ANK2: variants seen among roughly 807,000 people sequenced by gnomAD.
ANK2 encodes the protein ankyrin-2.
ANK2 carries 83 observed loss-of-function variants against 360.5 expected under a neutral mutation model. The ratio of observed to expected loss-of-function variants is 0.23; its 90% CI spans 0.19 to 0.28. The LOEUF (loss-of-function observed/expected upper bound fraction) is 0.28, where lower values mean the gene tolerates loss of function less well. ANK2 is among the 10% of genes least tolerant of loss of function. ANK2 has a pLI of 1.00. For synonymous variants in ANK2, 1,740 were observed against 1,759.5 expected, an observed-to-expected ratio of 0.99 and a Z score of 0.28; for missense variants, 4,201 against 4,795.7, an observed-to-expected ratio of 0.88 and a Z score of 3.66.
At chr4:113,249,702 A>T in intron 9 of ANK2, 62 bp from the exon 10 acceptor site, 2 of 1,494,160 alleles carry the variant, frequency 1.3e-6, no homozygotes, top group Non-Finnish European at 1.9e-6. Flanking sequence ...TATGGTTGCA[A>T]TAGATGAAAT....
At chr4:113,060,875 T>G (rs759189432) in intron 1 of ANK2, among the ~76,000 whole-genome samples, 63 of 152,048 alleles carry the variant, frequency 4.1e-4, no homozygotes, top group Non-Finnish European at 7.5e-4. Flanking sequence ...CATCTGCACT[T>G]CAACTGTATT....
At chr4:113,351,527 C>A (rs1007976073) in intron 37 of ANK2, among the ~76,000 whole-genome samples, 1 of 152,148 alleles carries the variant, frequency 6.6e-6, no homozygotes, top group African/African-American at 2.4e-5. Flanking sequence ...CAGATTCTCC[C>A]AAGAGAAGGC....
chr4:112,982,815 T>TA (rs541913584), intron 2 of ANK2, among the ~76,000 whole-genome samples: 4 of 152,282 alleles, frequency 2.6e-5, no homozygotes, highest in South Asian at 2.1e-4. Flanking sequence ...TAAGCGATTC[T>TA]AAAAAAATCC....
At chr4:112,771,774 A>G in the ANK2 span, among the ~76,000 whole-genome samples, 1 of 152,036 alleles carries the variant, frequency 6.6e-6, no homozygotes, top group East Asian at 1.9e-4. Flanking sequence ...TTTAGTAGAG[A>G]CAGAGTTTCA....
intron 1 of ANK2, among the ~76,000 whole-genome samples, chr4:113,135,941 G>A (rs1325276061): frequency 6.6e-6 from 1 of 152,136 alleles, no homozygotes; most frequent in Admixed American, 6.5e-5. Flanking sequence ...ATTCATTAAA[G>A]CATTTCTGTG....
intron 2 of ANK2, among the ~76,000 whole-genome samples, chr4:112,931,155 C>T (rs1221828630): frequency 6.6e-6 from 1 of 151,996 alleles, no homozygotes; most frequent in Non-Finnish European, 1.5e-5. Flanking sequence ...AACCCAGGGT[C>T]GACTCTGCAC....
chr4:113,284,707 A>C (rs944902052), intron 18 of ANK2, among the ~76,000 whole-genome samples: 11 of 152,316 alleles, frequency 7.2e-5, no homozygotes, highest in Admixed American at 7.2e-4. Context: ...GTGGTGTCCT[A>C]AACACATAGT....
chr4:113,049,513 A>G, upstream of ANK2: 1 of 860,884 alleles, frequency 1.2e-6, no homozygotes, highest in Non-Finnish European at 1.7e-6. Flanking sequence ...CCGGTTCCTG[A>G]TGGTAATTGG....
intron 7 of ANK2, 34 bp from the exon 8 acceptor site, chr4:113,240,451 C>T (rs72675204): frequency 1.5e-5 from 23 of 1,508,992 alleles, no homozygotes; most frequent in South Asian, 3.4e-5. Context: ...AAAAGTGAAG[C>T]GCTATACTGA....
chr4:113,106,063 G>T (rs1324383838), intron 1 of ANK2, among the ~76,000 whole-genome samples: 6 of 152,070 alleles, frequency 3.9e-5, no homozygotes, highest in Non-Finnish European at 1.5e-5. Flanking sequence ...TTTATAATTT[G>T]TATTCAGTTA....
At chr4:113,175,874 G>GT (rs2098177164) in intron 2 of ANK2, among the ~76,000 whole-genome samples, 1 of 152,152 alleles carries the variant, frequency 6.6e-6, no homozygotes, top group Non-Finnish European at 1.5e-5. Flanking sequence ...GTCTCTTACC[G>GT]TGAAAACATG....
chr4:112,935,643 AC>A (rs11356010), intron 2 of ANK2, among the ~76,000 whole-genome samples: 46,060 of 152,060 alleles, frequency 0.3, 9,006 homozygotes, highest in African/African-American at 0.56. Context: ...GCAGTTTGAG[AC>A]CAGCCTGGGC....
chr4:112,803,389 G>A, the ANK2 span, among the ~76,000 whole-genome samples: 1 of 152,166 alleles, frequency 6.6e-6, no homozygotes, highest in Admixed American at 6.5e-5. Flanking sequence ...GAGGCAGGCA[G>A]AAGGGCAGTT....
chr4:113,136,861 G>T (rs1180263554), intron 1 of ANK2, among the ~76,000 whole-genome samples: 1 of 151,830 alleles, frequency 6.6e-6, no homozygotes, highest in Non-Finnish European at 1.5e-5. Context: ...GGTTCAAGTG[G>T]ATTCTCCTGC....
chr4:112,930,418 C>T (rs552523505), intron 2 of ANK2, among the ~76,000 whole-genome samples: 66 of 150,224 alleles, frequency 4.4e-4, no homozygotes, highest in African/African-American at 1.6e-3. Flanking sequence ...CACTGCACTC[C>T]AGCCTGGGCG....
intron 2 of ANK2, among the ~76,000 whole-genome samples, chr4:112,949,237 C>T (rs531823826): frequency 6.6e-6 from 1 of 152,260 alleles, no homozygotes; most frequent in South Asian, 2.1e-4. Context: ...TTGCAAACAT[C>T]TCCAAAGTGG....
chr4:112,738,799 A>G, the ANK2 span: 2 of 624,272 alleles, frequency 3.2e-6, no homozygotes, highest in Non-Finnish European at 6.1e-6. Context: ...GGTATTGACA[A>G]CAGGGTTCAT....
intron 2 of ANK2, among the ~76,000 whole-genome samples, chr4:112,926,205 C>T (rs940466883): frequency 3.9e-5 from 6 of 152,082 alleles, no homozygotes; most frequent in African/African-American, 1.2e-4. Context: ...GGTGTGCAGT[C>T]CAAATTGAGA....
intron 14 of ANK2, among the ~76,000 whole-genome samples, chr4:113,268,315 T>C (rs2057059935): frequency 6.6e-6 from 1 of 152,166 alleles, no homozygotes; most frequent in South Asian, 2.1e-4. Flanking sequence ...GAGAGGGCAT[T>C]CTTGTCTTGT....
Sources: allele counts gnomAD v4.1 joint callset (sites outside exome capture counted in the v4.1 genomes callset), GRCh38; gene constraint gnomAD v4.1.1; transcripts MANE v1.5; gene names NCBI Gene and HGNC (gene_info 2026-07-23, HGNC 2026-07-21).